Variants in IPO4 observed in about 807,000 individuals in gnomAD.
IPO4 encodes the protein importin-4.
Under a neutral mutation model 133.5 loss-of-function variants are expected in IPO4, and 91 were observed. The ratio of observed to expected loss-of-function variants is 0.68; its 90% CI spans 0.58 to 0.81. IPO4 has a LOEUF of 0.81. IPO4 is among the 30% of genes least tolerant of loss of function. The pLI, the probability that IPO4 is intolerant of heterozygous loss-of-function variation, is 0.00. For missense variants in IPO4, 1,279 were observed against 1,386.2 expected (o/e 0.92, Z 1.23); for synonymous variants, 607 against 581.6 (o/e 1.04, Z -0.63).
Position 24,180,382 on chromosome 14 carries a change from AG to A in IPO4, c.*59del. On this transcript the variant is annotated 3_prime_UTR_variant, in exon 30 of 30. Coordinates refer to ENST00000354464, the MANE Select transcript of IPO4 (RefSeq NM_024658.4). ...GGTAAGGCAGAACTGAACTGGGCTGAGAGGTGGTCTTAAGGCCTGGGCAGGC... is the reference window on the plus strand; with the variant it reads ...GGTAAGGCAGAACTGAACTGGGCTGAAGGTGGTCTTAAGGCCTGGGCAGGC... 1 of 1,570,800 alleles carries A rather than the reference AG, an allele frequency of 6.4e-7. No homozygotes were observed. Among genetic ancestry groups the A allele is most frequent in the Non-Finnish European group, 8.7e-7 (1 of 1,154,622 alleles).
intron 24 of IPO4, 95 bp downstream of exon 24, chr14:24,182,697 G>A: frequency 7.2e-7 from 1 of 1,397,190 alleles, no homozygotes; most frequent in South Asian, 1.2e-5. Flanking sequence ...TAGTGGCCCT[G>A]GCTGCCCCAG....
At chr14:24,182,655 G>A (rs890142389) in intron 24 of IPO4, 137 bp downstream of exon 24, 3 of 1,075,826 alleles carry the variant, frequency 2.8e-6, no homozygotes, top group Non-Finnish European at 4.3e-6. Context: ...TGGGATCAGG[G>A]TTGTATCCCT....
chr14:24,184,791 C>T (rs779060627), intron 15 of IPO4, 28 bp from the exon 16 acceptor site: 2 of 1,606,726 alleles, frequency 1.2e-6, no homozygotes, highest in East Asian at 2.2e-5. Flanking sequence ...AGAATCAGAG[C>T]TGGAGAGGGC....
At chr14:24,186,482 A>T in intron 9 of IPO4, 31 bp from the exon 10 acceptor site, 1 of 1,541,378 alleles carries the variant, frequency 6.5e-7, no homozygotes, top group Non-Finnish European at 8.8e-7. Context: ...AGTGTCCCTA[A>T]GAATCTGCTC....
Position 24,186,352 on chromosome 14 carries a change from C to T in IPO4, c.940G>A (p.Asp314Asn), listed in dbSNP as rs1333578562. The T allele has an allele frequency of 1.2e-6, 2 of 1,613,194 alleles. No homozygotes were observed. The highest frequency in any genetic ancestry group is 1.7e-6 in the Non-Finnish European group (2 of 1,179,616). The stretch of plus-strand genomic sequence containing the variant: ...ATCTCCAACTCTTCCTCTTCTGAAT[C>T]CTGGTCCTCGGGATCCAACTGGCCT... ...PPGQLDPEDQ[D>N]SEEEELEIEL... The change falls in exon 10 of 30, where the codon GAT (aspartate) becomes AAT (asparagine). Residue 314 changes from aspartate (D) to asparagine (N), a missense_variant. Asp to Asn is a conservative substitution (Grantham distance 23). Around this residue, in one of 3 missense-constraint regions of IPO4, gnomAD observed 695 missense variants for 704.1 expected, o/e 0.99. Transcript: ENST00000354464.
In IPO4 at chr14:24,185,197, A is replaced by G. The variant is rs945051226; in HGVS notation, c.1394T>C (p.Phe465Ser). The G allele has an allele frequency of 2.9e-5, 46 of 1,614,018 alleles. No homozygotes were observed. The highest frequency in any genetic ancestry group is 3.7e-5 in the Non-Finnish European group (44 of 1,179,970). Residue 465 changes from phenylalanine (F) to serine (S), a missense_variant, in exon 14 of 30, where the codon TTT (phenylalanine) becomes TCT (serine). Coordinates refer to ENST00000354464, the MANE Select transcript of IPO4 (RefSeq NM_024658.4). Reference protein sequence around the residue: ...LAKACYALENFVENLGPKVQP... With the variant: ...LAKACYALENSVENLGPKVQP... Reference sequence around the variant, plus strand: ...GCCATCACTACCTAGGTTCTCCACAAAATTCTCCAGGGCATAGCAGGCCTT... The same window carrying G: ...GCCATCACTACCTAGGTTCTCCACAGAATTCTCCAGGGCATAGCAGGCCTT...
intron 28 of IPO4, among the ~76,000 whole-genome samples, 191 bp from the exon 29 acceptor site, chr14:24,180,949 G>A (rs2039127535): frequency 6.6e-6 from 1 of 152,076 alleles, no homozygotes; most frequent in African/African-American, 2.4e-5. Context: ...TTTTTTTGGA[G>A]GGAATGGGGG....
chr14:24,183,102 G>A lies in IPO4; in HGVS notation c.2295C>T (p.Arg765=). 6.2e-7 allele frequency: 1 copy of A among 1,613,850 alleles called. No individual in the cohort carries two copies. The highest frequency in any genetic ancestry group is 8.5e-7 in the Non-Finnish European group (1 of 1,180,014). ...CCTCCAGCACGGCCATCACCACCTG[G>A]CGTTCCCGCTCCCTGTTCACTGCCT... The part of the protein sequence containing the change: ...YMQAVNRERE[R]QVVMAVLEAL... The change falls in exon 23 of 30, where the codon CGC becomes CGT. Residue 765 remains arginine (R), a synonymous_variant. Transcript: ENST00000354464.
At chr14:24,184,542 T>A in intron 16 of IPO4, 108 bp downstream of exon 16, 1 of 1,426,858 alleles carries the variant, frequency 7.0e-7, no homozygotes, top group South Asian at 1.4e-5. Context: ...CACACCCCTT[T>A]GATGAGAAGG....
chr14:24,187,333 C>A, intron 6 of IPO4, 67 bp downstream of exon 6: 1 of 1,573,260 alleles, frequency 6.4e-7, no homozygotes, highest in Admixed American at 1.7e-5. Context: ...AGCTTTGTAA[C>A]TTTTACGGGT....
At chr14:24,185,693 C>A (rs955191244) in intron 12 of IPO4, 126 bp from the exon 13 acceptor site, 2 of 987,048 alleles carry the variant, frequency 2.0e-6, no homozygotes, top group African/African-American at 1.6e-5. Context: ...GGGCAGCAGC[C>A]CCTGGTCCCT....
Position 24,183,887 on chromosome 14 carries a change from G to A in IPO4, c.1881C>T (p.Asp627=), listed in dbSNP as rs763295790. The A allele has an allele frequency of 3.5e-5, 57 of 1,613,838 alleles. No individual in the cohort carries two copies. The highest frequency in any genetic ancestry group is 1.9e-4 in the South Asian group (17 of 91,090). ...RSTEGIVPQY[D]GSSSFLLFDD... ...CAAACAGAAGGAAGGAGCTGCTCCCGTCATACTGAGGCTGGAGCGGAGGCA... is the reference window on the plus strand; with the variant it reads ...CAAACAGAAGGAAGGAGCTGCTCCCATCATACTGAGGCTGGAGCGGAGGCA... Residue 627 remains aspartate (D), a synonymous_variant, in exon 19 of 30, where the codon GAC becomes GAT. Coordinates refer to ENST00000354464, the MANE Select transcript of IPO4 (RefSeq NM_024658.4).
rs1272016099 is a variant in IPO4 at position 24,181,938 on chromosome 14, C to A, written c.2807+17G>T. 1 of 1,609,772 alleles carries A rather than the reference C, an allele frequency of 6.2e-7. No homozygotes were observed. Among genetic ancestry groups the A allele is most frequent in the Non-Finnish European group, 8.5e-7 (1 of 1,179,776 alleles). On this transcript the variant is annotated intron_variant, in intron 26 of 29. Transcript: ENST00000354464. ...CCCCCAACCTCCAGTCCCTCCCGTCCTGCGAGCCAAGGATACTCCTGGGCA... is the reference window on the plus strand; with the variant it reads ...CCCCCAACCTCCAGTCCCTCCCGTCATGCGAGCCAAGGATACTCCTGGGCA...
rs1594437034 is a variant in IPO4, at chr14:24,181,967, T to C, written c.2795A>G (p.His932Arg). The C allele has an allele frequency of 8.1e-6, 13 of 1,611,188 alleles. No individual in the cohort carries two copies. Among genetic ancestry groups the C allele is most frequent in the Non-Finnish European group, 1.1e-5 (13 of 1,179,982 alleles). ...GMGVLAEHGG[H>R]PAQEHFPKLL... The stretch of plus-strand genomic sequence containing the variant: ...GAGCCAAGGATACTCCTGGGCAGGG[T>C]GGCCCCCATGCTCTGCCAGCACGCC... Residue 932 changes from histidine to arginine, a missense_variant, in exon 26 of 30, where the codon CAC becomes CGC. Coordinates refer to ENST00000354464, the MANE Select transcript of IPO4 (RefSeq NM_024658.4).
In IPO4 at chr14:24,187,412, G is replaced by A. The variant is rs375039164; in HGVS notation, c.576C>T (p.Ser192=). 2.2e-5 allele frequency: 36 copies of A among 1,614,044 alleles called. No individual in the cohort carries two copies. The highest frequency in any genetic ancestry group is 3.3e-5 in the South Asian group (3 of 91,086). The part of the protein sequence containing the change: ...RTLTTMAPYL[S]TEDVPLARML... The stretch of plus-strand genomic sequence containing the variant: ...GCCCACATCTCACCACATCTTCAGT[G>A]CTGAGGTAGGGAGCCATGGTGGTCA... The change falls in exon 6 of 30, where the codon AGC becomes AGT. Residue 192 remains serine, a synonymous_variant. Transcript: ENST00000354464.
At position 24,181,823 on chromosome 14, in the gene IPO4, C is replaced by A; in HGVS notation, c.2828G>T (p.Gly943Val). ...PAQEHFPKLL[G>V]LLFPLLARER... ...CCGCGCCAGGAGGGGAAAAAGGAGCCCCAGCAGCTTGGGGAAGTGTCTGGT... is the reference window on the plus strand; with the variant it reads ...CCGCGCCAGGAGGGGAAAAAGGAGCACCAGCAGCTTGGGGAAGTGTCTGGT... The change falls in exon 27 of 30, where the codon GGG (glycine) becomes GTG (valine). Residue 943 changes from glycine to valine, a missense_variant. By Grantham distance (109) the Gly-to-Val change is moderately radical (BLOSUM62 -3). This residue lies in a region of IPO4 where 575 missense variants were observed against 653.4 expected (regional missense o/e 0.88). Transcript: ENST00000354464. The A allele has an allele frequency of 6.3e-7, 1 of 1,596,722 alleles. No individual in the cohort carries two copies. The highest frequency in any genetic ancestry group is 1.7e-5 in the Admixed American group (1 of 59,044).
Position 24,184,088 on chromosome 14 carries a change from T to C in IPO4, c.1779A>G (p.Leu593=). The C allele has an allele frequency of 6.2e-7, 1 of 1,611,234 alleles. No homozygotes were observed. Among genetic ancestry groups the C allele is most frequent in the Non-Finnish European group, 8.5e-7 (1 of 1,179,418 alleles). Residue 593 remains leucine, a synonymous_variant, in exon 18 of 30, where the codon TTA becomes TTG. Transcript: ENST00000354464. ...RRCTYSLFAA[L]SGLMGEGLAP... Reference sequence around the variant, plus strand: ...CCAGGCCCTCACCCATCAGACCCGATAAGGCTGCAAATAGGCTGTACCTGG... The same window carrying C: ...CCAGGCCCTCACCCATCAGACCCGACAAGGCTGCAAATAGGCTGTACCTGG...
Position 24,182,958 on chromosome 14 carries a change from C to T in IPO4, c.2421+18G>A, listed in dbSNP as rs779925354. 2.5e-6 allele frequency: 4 copies of T among 1,613,116 alleles called. No homozygotes were observed. The highest frequency in any genetic ancestry group is 8.5e-7 in the Non-Finnish European group (1 of 1,179,332). On this transcript the variant is annotated intron_variant, in intron 23 of 29. Transcript: ENST00000354464. Reference sequence around the variant, plus strand: ...GGCCCAGCACCTCTCCTTCCCGAAGCCCACCTGCCCTGCTCACCTTCCTCT... The same window carrying T: ...GGCCCAGCACCTCTCCTTCCCGAAGTCCACCTGCCCTGCTCACCTTCCTCT...
Position 24,187,465 on chromosome 14 carries a change from C to T in IPO4, c.523G>A (p.Gly175Arg), listed in dbSNP as rs762925825. Reference protein sequence around the residue: ...NETLGEVGSPGLLFYSLRTLT... With the variant: ...NETLGEVGSPRLLFYSLRTLT... ...GTGCGCAGGGAGTAGAAGAGCAGCCCAGGAGAGCCCACCTCACCAAGAGTC... is the reference window on the plus strand; with the variant it reads ...GTGCGCAGGGAGTAGAAGAGCAGCCTAGGAGAGCCCACCTCACCAAGAGTC... Residue 175 changes from glycine to arginine, a missense_variant, in exon 6 of 30, where the codon GGG becomes AGG. Gly to Arg is a moderately radical substitution (Grantham distance 125). Coordinates refer to ENST00000354464, the MANE Select transcript of IPO4 (RefSeq NM_024658.4). The T allele has an allele frequency of 2.3e-5, 37 of 1,614,088 alleles. No individual in the cohort carries two copies. The South Asian group carries it at 4.0e-4, about 17-fold the overall frequency.
Sources: gnomAD v4.1 joint callset for allele counts (sites outside exome capture counted in the v4.1 genomes callset) on GRCh38, gnomAD v4.1.1 for gene constraint, gnomAD v4.1.1 regional missense constraint, MANE v1.5 for transcripts, NCBI Gene and HGNC (gene_info 2026-07-23, HGNC 2026-07-21) for gene names.